POLR2F: variants seen among roughly 807,000 people sequenced by gnomAD.
The protein encoded by POLR2F is RNA polymerase II, I and III subunit F, also known as DNA-directed RNA polymerases I, II, and III subunit RPABC2.
Under a neutral mutation model 22.7 loss-of-function variants are expected in POLR2F, and 12 were observed. The ratio of observed to expected loss-of-function variants is 0.53; its 90% CI spans 0.34 to 0.86. POLR2F has a LOEUF of 0.86. POLR2F is among the 40% of genes least tolerant of loss of function. The pLI is 0.02. For synonymous variants in POLR2F, 57 were observed against 66.0 expected (o/e 0.86, Z 0.66); for missense variants, 126 against 171.5 (o/e 0.73, Z 1.48).
At chr22:38,025,934 G>A (rs368483730) in exon 2 of POLR2F, 4 of 685,366 alleles carry the variant, frequency 5.8e-6, no homozygotes, top group Admixed American at 3.6e-5. Flanking sequence ...CTCAACAGAT[G>A]CTCTGAAATC....
chr22:38,025,616 T>C, intron 1 of POLR2F: 1 of 1,554,712 alleles, frequency 6.4e-7, no homozygotes, highest in Non-Finnish European at 8.7e-7. Context: ...GCTGAGACCC[T>C]CCTACGCACT....
At chr22:38,015,875 C>A (rs1388840810) in intron 1 of POLR2F, among the ~76,000 whole-genome samples, 1 of 152,148 alleles carries the variant, frequency 6.6e-6, no homozygotes, top group African/African-American at 2.4e-5. Context: ...ACTGATGGAG[C>A]AGTGGGAAAG....
intron 5 of POLR2F, among the ~76,000 whole-genome samples, chr22:38,038,307 G>A (rs754170924): frequency 7.9e-5 from 12 of 152,136 alleles, no homozygotes; most frequent in Non-Finnish European, 1.8e-4. Flanking sequence ...GGATTCAGAG[G>A]GCGTCCTCTT....
intron 1 of POLR2F, among the ~76,000 whole-genome samples, chr22:38,008,869 AAAAG>A (rs1277299572): frequency 1.1e-4 from 17 of 152,100 alleles, no homozygotes; most frequent in East Asian, 9.7e-4. Context: ...AAAAAAAAAA[AAAAG>A]AAAGAAAAGA....
intron 1 of POLR2F, among the ~76,000 whole-genome samples, chr22:38,012,590 G>C (rs946544287): frequency 6.6e-6 from 1 of 151,890 alleles, no homozygotes; most frequent in Non-Finnish European, 1.5e-5. Flanking sequence ...CATTAATGTC[G>C]TTGTTGTTGT....
chr22:38,038,016 T>G (rs543291009), intron 5 of POLR2F, among the ~76,000 whole-genome samples: 1 of 151,666 alleles, frequency 6.6e-6, no homozygotes, highest in Admixed American at 6.6e-5. Context: ...CTAAGCACAG[T>G]AGGTGCTCAT....
At chr22:38,022,858 C>G (rs1422237048) in intron 1 of POLR2F, among the ~76,000 whole-genome samples, 2 of 151,924 alleles carry the variant, frequency 1.3e-5, no homozygotes, top group Non-Finnish European at 2.9e-5. Context: ...ACTAAAAATA[C>G]AAGAAATTAG....
chr22:37,997,826 G>A lies in POLR2F; in HGVS notation c.120+11514G>A, dbSNP rs1016678778. Among the ~76,000 whole-genome samples the A allele has an allele frequency of 4.6e-5, 7 of 152,134 alleles. No individual in the cohort carries two copies. The highest frequency in any genetic ancestry group is 2.4e-5 in the African/African-American group (1 of 41,428). ...ACCTCCTGTGAGCCCACAGCTCACC[G>A]TCTGTCGAGGGGGGACAGGCAGGAG... On this transcript the variant is annotated intron_variant, in intron 1 of 2. Coordinates refer to the POLR2F transcript ENST00000333418. The surrounding 1 kb of genome is among the most constrained non-coding windows in gnomAD (Gnocchi z 4.4).
rs758630099 is a variant in POLR2F at position 37,959,803 on chromosome 22, GT to G, written c.221+345del. ...TTCAGAGCCAATGTGTACCAGTGTA[GT>G]TTTTTTTTTTTTTTTTTGAGATAGA... On this transcript the variant is annotated intron_variant, in intron 3 of 4. Transcript: ENST00000442738. Among the ~76,000 whole-genome samples, 743 of 136,964 alleles carry G rather than the reference GT, an allele frequency of 5.4e-3. 6 individuals are homozygous for G. Among genetic ancestry groups the G allele is most frequent in the African/African-American group, 0.015 (549 of 37,758 alleles). The allele number at this position is 136,964 out of a possible 152,430, so 89.9% of individuals were successfully genotyped here.
rs2084915151 is a variant in POLR2F, at chr22:38,016,351, C to T, written c.121-9518C>T. On this transcript the variant is annotated intron_variant, in intron 1 of 2. Coordinates refer to the POLR2F transcript ENST00000333418. The surrounding 1 kb of genome is among the most constrained non-coding windows in gnomAD (Gnocchi z 4.4). Reference sequence around the variant, plus strand: ...GGCATTTGGGAGCCTGCTCCTCCCTCTGTACCTCCACCAGCCGTCCCTGGG... The same window carrying T: ...GGCATTTGGGAGCCTGCTCCTCCCTTTGTACCTCCACCAGCCGTCCCTGGG... Among the ~76,000 whole-genome samples the T allele has an allele frequency of 6.6e-6, 1 of 152,262 alleles. No individual in the cohort carries two copies. Among genetic ancestry groups the T allele is most frequent in the African/African-American group, 2.4e-5 (1 of 41,470 alleles).
chr22:37,963,899 C>A (rs1043285755), intron 3 of POLR2F, among the ~76,000 whole-genome samples: 1 of 152,016 alleles, frequency 6.6e-6, no homozygotes, highest in Non-Finnish European at 1.5e-5. Flanking sequence ...GTCAGGAGTT[C>A]GAGAGCAGCC....
chr22:37,959,536 C>T lies in POLR2F; in HGVS notation c.221+60C>T, dbSNP rs6000956. ...GTCAGGCCACAGTAAGCTCTTGTAC[C>T]GCTGATCTTTCCCAGCCTGGCACCT... On this transcript the variant is annotated intron_variant, in intron 3 of 4. Coordinates refer to ENST00000442738, the MANE Select transcript of POLR2F (RefSeq NM_021974.5). The T allele has an allele frequency of 6.9e-3, 10,714 of 1,563,154 alleles. 569 individuals are homozygous for T. The African/African-American group carries it at 0.12, about 18-fold the overall frequency.
downstream of POLR2F, among the ~76,000 whole-genome samples, chr22:37,970,456 A>C (rs1932013218): frequency 1.4e-5 from 2 of 145,476 alleles, no homozygotes; most frequent in African/African-American, 5.1e-5. Flanking sequence ...AAAAAAAAAA[A>C]ATTAGCTGGG....
intron 1 of POLR2F, chr22:37,987,456 C>G: frequency 2.8e-6 from 1 of 362,740 alleles, no homozygotes; most frequent in East Asian, 7.5e-5. Flanking sequence ...GGAGCTGGTC[C>G]GGCTTTATGG....
At position 37,959,457 on chromosome 22, in the gene POLR2F, A is replaced by G; in HGVS notation, c.202A>G (p.Thr68Ala). 1 of 1,613,824 alleles carries G rather than the reference A, an allele frequency of 6.2e-7. No homozygotes were observed. Among genetic ancestry groups the G allele is most frequent in the Non-Finnish European group, 8.5e-7 (1 of 1,179,926 alleles). ...TKYERARVLG[T>A]RALQIAMCAP... ...GTACGAGCGAGCCCGCGTGCTGGGC[A>G]CCCGAGCGCTCCAGATTGCGTGAGT... Residue 68 changes from threonine (T) to alanine (A), a missense_variant, in exon 3 of 5, where the codon ACC (threonine) becomes GCC (alanine). Transcript: ENST00000442738.
At position 37,978,381 on chromosome 22, in the gene POLR2F, G is replaced by A. The variant is rs908923105; in HGVS notation, c.293+11211G>A. Among the ~76,000 whole-genome samples the A allele has an allele frequency of 5.9e-5, 9 of 152,368 alleles. No individual in the cohort carries two copies. Among genetic ancestry groups the A allele is most frequent in the African/African-American group, 1.9e-4 (8 of 41,582 alleles). On this transcript the variant is annotated intron_variant, in intron 4 of 4. Transcript: ENST00000405557. The surrounding 1 kb of genome is among the most constrained non-coding windows in gnomAD (Gnocchi z 5.0). Reference sequence around the variant, plus strand: ...TTTCATGGGCTGGAGGGTGAGAGAGGGGTCAGCCCGCTGCTCCTGGCAGCC... The same window carrying A: ...TTTCATGGGCTGGAGGGTGAGAGAGAGGTCAGCCCGCTGCTCCTGGCAGCC...
chr22:38,004,255 C>G (rs1244789941), intron 1 of POLR2F, among the ~76,000 whole-genome samples: 2 of 152,116 alleles, frequency 1.3e-5, no homozygotes. Flanking sequence ...CCCTGAGATC[C>G]TGATGGCATA....
downstream of POLR2F, chr22:37,972,139 G>A (rs1284959794): frequency 1.5e-5 from 6 of 401,150 alleles, no homozygotes; most frequent in African/African-American, 1.1e-4. Context: ...GGGAGAGAGA[G>A]AGGAGGGGGG....
rs1484798951 is a variant in POLR2F at position 38,026,429 on chromosome 22, C to G, written c.*119C>G. 7 of 438,928 alleles carry G rather than the reference C, an allele frequency of 1.6e-5. No individual in the cohort carries two copies. In the Admixed American group the frequency reaches 1.7e-4, roughly 11 times the overall value. 27.2% of individuals were successfully genotyped at this position (438,928 alleles called of 1,614,324 possible). On this transcript the variant is annotated 3_prime_UTR_variant, in exon 3 of 3. Coordinates refer to the POLR2F transcript ENST00000333418. ...CCATCTCTCTGGGTCTCAGTTTCCC[C>G]CTCTATAACACCAGGGGCTGGTCTT...
Sources: allele counts gnomAD v4.1 joint callset (sites outside exome capture counted in the v4.1 genomes callset), GRCh38; gene constraint gnomAD v4.1.1; non-coding constraint Gnocchi (gnomAD v3.1); transcripts MANE v1.5; gene names NCBI Gene and HGNC (gene_info 2026-07-23, HGNC 2026-07-21).